PACC1: variants seen among roughly 807,000 people sequenced by gnomAD.
The protein encoded by PACC1 is proton activated chloride channel 1.
PACC1 carries 34 observed loss-of-function variants against 39.7 expected under a neutral mutation model. The observed-to-expected ratio is 0.86, with a 90% CI of 0.65 to 1.14. The LOEUF (loss-of-function observed/expected upper bound fraction) is 1.14. Among genes scored for constraint, PACC1 ranks in the 50% most tolerant of loss-of-function variants. The pLI, the probability that PACC1 is intolerant of heterozygous loss-of-function variation, is 0.00. For missense variants in PACC1, 379 were observed against 436.4 expected (o/e 0.87, Z 1.17); for synonymous variants, 127 against 160.6 (o/e 0.79, Z 1.58).
chr1:212,408,049 G>C lies in PACC1; in HGVS notation c.133+2376C>G, dbSNP rs533262267. ...AGACTGTGCCACTGCACTCCAGCCT[G>C]GGTGACAGAGTGAGACTCCATCTCA... On this transcript the variant is annotated intron_variant, in intron 2 of 7. Coordinates refer to ENST00000261455, the MANE Select transcript of PACC1 (RefSeq NM_018252.3). 2.1e-3 allele frequency among the ~76,000 whole-genome samples: 310 copies of C among 150,388 alleles called. 1 individual carries two copies. The highest frequency in any genetic ancestry group is 0.01 in the Middle Eastern group (3 of 292).
chr1:212,388,064 AAAAAAAG>A lies in PACC1; in HGVS notation c.134-971_134-965del, dbSNP rs1165440190. 7.0e-4 allele frequency among the ~76,000 whole-genome samples: 104 copies of A among 149,622 alleles called. 1 individual carries two copies. Among genetic ancestry groups the A allele is most frequent in the Non-Finnish European group, 2.5e-4 (17 of 67,900 alleles). On this transcript the variant is annotated intron_variant, in intron 2 of 7. Coordinates refer to ENST00000261455, the MANE Select transcript of PACC1 (RefSeq NM_018252.3). ...AGCGAAACTCCATCTCAAAAAAAAA[AAAAAAAG>A]AAAAAAGAAAGAAAGACATTTTCTT...
At chr1:212,389,206 G>A (rs550616515) in intron 2 of PACC1, among the ~76,000 whole-genome samples, 1 of 152,276 alleles carries the variant, frequency 6.6e-6, no homozygotes, top group East Asian at 1.9e-4. Flanking sequence ...AAAGTTCAGG[G>A]CTGGAAGAGC....
At chr1:212,375,651 T>A (rs1660639980) in intron 6 of PACC1, among the ~76,000 whole-genome samples, 2 of 152,280 alleles carry the variant, frequency 1.3e-5, no homozygotes, top group South Asian at 4.1e-4. Flanking sequence ...TTGTGAGGCC[T>A]AGCCAGGCAG....
chr1:212,391,909 A>T (rs1661334146), intron 2 of PACC1, among the ~76,000 whole-genome samples: 1 of 152,362 alleles, frequency 6.6e-6, no homozygotes, highest in South Asian at 2.1e-4. Flanking sequence ...AATTTAAAAA[A>T]ACGAACAAAG....
intron 2 of PACC1, among the ~76,000 whole-genome samples, chr1:212,404,398 A>G (rs2102535083): frequency 6.6e-6 from 1 of 151,372 alleles, no homozygotes; most frequent in Admixed American, 6.6e-5. Flanking sequence ...GAGCCACCGC[A>G]CCCAGCCCCA....
At chr1:212,382,211 T>C (rs764446855) in intron 4 of PACC1, among the ~76,000 whole-genome samples, 3 of 152,252 alleles carry the variant, frequency 2.0e-5, no homozygotes, top group Middle Eastern at 3.4e-3. Flanking sequence ...CCTGATTTTT[T>C]TATTTTTATT....
At chr1:212,378,239 G>T (rs1035439936) in intron 5 of PACC1, among the ~76,000 whole-genome samples, 2 of 152,170 alleles carry the variant, frequency 1.3e-5, no homozygotes, top group African/African-American at 2.4e-5. Flanking sequence ...AAATCAAAGC[G>T]AACATAAAAA....
intron 1 of PACC1, chr1:212,413,837 A>G: frequency 1.4e-6 from 2 of 1,467,370 alleles, no homozygotes; most frequent in Non-Finnish European, 1.8e-6. Context: ...AGCGATGGTA[A>G]CACAGTATCG....
At chr1:212,393,415 T>A (rs1661399329) in intron 2 of PACC1, among the ~76,000 whole-genome samples, 1 of 152,148 alleles carries the variant, frequency 6.6e-6, no homozygotes, top group African/African-American at 2.4e-5. Context: ...CATACCAGAA[T>A]CTCTGGGACA....
intron 5 of PACC1, among the ~76,000 whole-genome samples, chr1:212,379,165 G>C (rs1051734906): frequency 2.0e-5 from 3 of 151,960 alleles, no homozygotes; most frequent in Non-Finnish European, 4.4e-5. Flanking sequence ...GGATGGTCTC[G>C]ATCTCCTGAC....
intron 2 of PACC1, among the ~76,000 whole-genome samples, chr1:212,398,573 G>C (rs1661602465): frequency 6.6e-6 from 1 of 152,200 alleles, no homozygotes; most frequent in Non-Finnish European, 1.5e-5. Context: ...AGTGAGAACT[G>C]GGGAAACCCA....
At chr1:212,413,304 T>C (rs1662202991) in intron 1 of PACC1, among the ~76,000 whole-genome samples, 1 of 152,248 alleles carries the variant, frequency 6.6e-6, no homozygotes, top group Non-Finnish European at 1.5e-5. Flanking sequence ...TGCCTTCAAG[T>C]TGGCTTCTCC....
intron 2 of PACC1, among the ~76,000 whole-genome samples, chr1:212,388,126 A>T (rs1661174225): frequency 6.6e-6 from 1 of 151,710 alleles, no homozygotes; most frequent in South Asian, 2.1e-4. Context: ...CCTAACCTTT[A>T]TTTGGGCACC....
rs770201392 is a variant in PACC1 at position 212,401,622 on chromosome 1, CAAAA to C, written c.133+8799_133+8802del. ...GCCTGGGCAACAGAGACTCTTGTCT[CAAAA>C]AAAAAAAAAAAAAAAAAAATTTATC... On this transcript the variant is annotated intron_variant, in intron 2 of 7. Coordinates refer to ENST00000261455, the MANE Select transcript of PACC1 (RefSeq NM_018252.3). 6.7e-5 allele frequency among the ~76,000 whole-genome samples: 3 copies of C among 44,924 alleles called. No individual in the cohort carries two copies. The South Asian group carries it at 3.1e-3, about 47-fold the overall frequency. 29.5% of individuals were successfully genotyped at this position (44,924 alleles called of 152,430 possible).
At chr1:212,395,343 T>G (rs1661476997) in intron 2 of PACC1, among the ~76,000 whole-genome samples, 1 of 152,304 alleles carries the variant, frequency 6.6e-6, no homozygotes, top group East Asian at 1.9e-4. Context: ...GGGAAAGGAT[T>G]CCCTATTTAA....
chr1:212,409,898 G>A (rs980903264), intron 2 of PACC1, among the ~76,000 whole-genome samples: 1 of 152,204 alleles, frequency 6.6e-6, no homozygotes, highest in African/African-American at 2.4e-5. Flanking sequence ...CCGCAATGGA[G>A]CCTGGAAGGA....
At position 212,385,273 on chromosome 1, in the gene PACC1, C is replaced by T. The variant is rs770491422; in HGVS notation, c.495+1G>A. Reference sequence around the variant, plus strand: ...ACCCAGCTCAGGCAGACAGGAATTACCACAGTCTGATTGGAGAAGGGGTCC... The same window carrying T: ...ACCCAGCTCAGGCAGACAGGAATTATCACAGTCTGATTGGAGAAGGGGTCC... On this transcript the variant is annotated splice_donor_variant, in intron 4 of 7. Coordinates refer to ENST00000261455, the MANE Select transcript of PACC1 (RefSeq NM_018252.3). LOFTEE classifies it high-confidence loss of function. The T allele has an allele frequency of 1.2e-6, 2 of 1,613,918 alleles. No homozygotes were observed. Among genetic ancestry groups the T allele is most frequent in the Non-Finnish European group, 1.7e-6 (2 of 1,179,998 alleles).
At chr1:212,408,386 G>T (rs1444059928) in intron 2 of PACC1, among the ~76,000 whole-genome samples, 1 of 151,252 alleles carries the variant, frequency 6.6e-6, no homozygotes, top group Non-Finnish European at 1.5e-5. Context: ...TTGAGGCAGA[G>T]TCTCACTCTT....
chr1:212,370,191 G>A (rs954340928), intron 7 of PACC1, among the ~76,000 whole-genome samples: 2 of 152,202 alleles, frequency 1.3e-5, no homozygotes, highest in Non-Finnish European at 2.9e-5. Context: ...ATCTGGCCAG[G>A]TGCGGAGGCT....
Sources: allele counts gnomAD v4.1 joint callset (sites outside exome capture counted in the v4.1 genomes callset), GRCh38; gene constraint gnomAD v4.1.1; transcripts MANE v1.5; gene names NCBI Gene and HGNC (gene_info 2026-07-23, HGNC 2026-07-21).